KIF5C: variants seen among roughly 807,000 people sequenced by gnomAD.
The protein encoded by KIF5C is kinesin family member 5C.
A neutral mutation model predicts 125.2 loss-of-function variants in KIF5C; 18 were observed. The ratio of observed to expected loss-of-function variants is 0.14; its 90% CI spans 0.10 to 0.21. The LOEUF is 0.21. Ranked by LOEUF, KIF5C falls within the 10% of genes least tolerant of loss-of-function variation. The probability of loss-of-function intolerance (pLI) is 1.00; values close to 1 mark genes in which losing one functional copy is unlikely to be tolerated. For synonymous variants in KIF5C, 405 were observed against 434.0 expected (o/e 0.93, Z 0.83); for missense variants, 780 against 1,183.8 (o/e 0.66, Z 5.01).
intron 7 of KIF5C, among the ~76,000 whole-genome samples, chr2:148,944,841 A>C (rs981632892): frequency 6.6e-6 from 1 of 152,160 alleles, no homozygotes; most frequent in African/African-American, 2.4e-5. Flanking sequence ...TATAATAGCC[A>C]TCCAAATGGT....
At chr2:149,009,415 C>T (rs1403080601) in intron 23 of KIF5C, among the ~76,000 whole-genome samples, 1 of 152,182 alleles carries the variant, frequency 6.6e-6, no homozygotes, top group African/African-American at 2.4e-5. Context: ...TGGTGTAGCA[C>T]TTTGTGATTT....
chr2:149,001,122 G>A (rs1681840580), intron 21 of KIF5C, among the ~76,000 whole-genome samples: 1 of 152,174 alleles, frequency 6.6e-6, no homozygotes, highest in Admixed American at 6.5e-5. Context: ...ATTCTTCAAG[G>A]TGCTTGAATA....
At position 148,968,903 on chromosome 2, in the gene KIF5C, A is replaced by C. The variant is rs140112125; in HGVS notation, c.1118-4433A>C. Among the ~76,000 whole-genome samples the C allele has an allele frequency of 5.6e-3, 858 of 152,208 alleles. 5 individuals carry two copies. Among genetic ancestry groups the C allele is most frequent in the South Asian group, 9.9e-3 (48 of 4,828 alleles). On this transcript the variant is annotated intron_variant, in intron 11 of 25. Transcript: ENST00000435030. Reference sequence around the variant, plus strand: ...TACCATTAGGTCTGCCACTGGGCCTATTTAATTGGAATTAAAAGAAAGCAC... The same window carrying C: ...TACCATTAGGTCTGCCACTGGGCCTCTTTAATTGGAATTAAAAGAAAGCAC...
At chr2:148,926,011 G>C (rs1325566360) in intron 2 of KIF5C, among the ~76,000 whole-genome samples, 1 of 152,184 alleles carries the variant, frequency 6.6e-6, no homozygotes, top group Non-Finnish European at 1.5e-5. Flanking sequence ...TGGTGAGGAT[G>C]GCCTGTCAGC....
At chr2:148,917,720 C>T (rs565674966) in intron 1 of KIF5C, among the ~76,000 whole-genome samples, 2 of 152,354 alleles carry the variant, frequency 1.3e-5, no homozygotes, top group East Asian at 1.9e-4. Context: ...CAGTACTCCT[C>T]AGTGTCAGAA....
intron 11 of KIF5C, among the ~76,000 whole-genome samples, chr2:148,965,694 C>T (rs1683032739): frequency 6.6e-6 from 1 of 152,170 alleles, no homozygotes; most frequent in Admixed American, 6.5e-5. Flanking sequence ...GCATTTAATC[C>T]TCAAGTAGCT....
intron 10 of KIF5C, among the ~76,000 whole-genome samples, chr2:148,957,234 TCA>T (rs1682812420): frequency 6.6e-6 from 1 of 152,246 alleles, no homozygotes; most frequent in Non-Finnish European, 1.5e-5. Context: ...ACTGGCAGCC[TCA>T]CGCCCTAGAT....
intron 10 of KIF5C, among the ~76,000 whole-genome samples, chr2:148,956,797 T>A (rs928819017): frequency 6.6e-6 from 1 of 152,238 alleles, no homozygotes; most frequent in African/African-American, 2.4e-5. Context: ...CATTGATATC[T>A]GTATATACAT....
chr2:148,992,937 C>A (rs73009555), intron 16 of KIF5C, among the ~76,000 whole-genome samples: 1,702 of 152,338 alleles, frequency 0.011, 35 homozygotes, highest in African/African-American at 0.038. Context: ...CAAGGGTACT[C>A]ATGGAGACCC....
At chr2:149,015,106 T>G (rs1682322776) in intron 25 of KIF5C, among the ~76,000 whole-genome samples, 2 of 152,156 alleles carry the variant, frequency 1.3e-5, no homozygotes. Context: ...GAGAATTGCT[T>G]GAACCCAGGA....
At chr2:148,971,469 A>G (rs1252980407) in intron 11 of KIF5C, among the ~76,000 whole-genome samples, 2 of 152,180 alleles carry the variant, frequency 1.3e-5, no homozygotes, top group Non-Finnish European at 2.9e-5. Flanking sequence ...AAGGTTGTTG[A>G]TGGATATTTT....
At chr2:148,932,533 C>T (rs1003346613) in intron 3 of KIF5C, among the ~76,000 whole-genome samples, 4 of 152,158 alleles carry the variant, frequency 2.6e-5, no homozygotes, top group Non-Finnish European at 4.4e-5. Flanking sequence ...CCAGGGTTGG[C>T]GCTGGGGAGG....
intron 15 of KIF5C, among the ~76,000 whole-genome samples, chr2:148,990,255 C>A (rs1681489903): frequency 6.6e-6 from 1 of 152,160 alleles, no homozygotes; most frequent in African/African-American, 2.4e-5. Flanking sequence ...ATAGATCATG[C>A]GGGAATGCTG....
At chr2:148,974,799 A>T (rs1245044326) in intron 12 of KIF5C, among the ~76,000 whole-genome samples, 1 of 152,218 alleles carries the variant, frequency 6.6e-6, no homozygotes, top group Non-Finnish European at 1.5e-5. Context: ...ATTTTTAGTA[A>T]TCGCAGAGAA....
rs146348223 is a variant in KIF5C at position 148,924,537 on chromosome 2, T to C, written c.217+2310T>C. 2.9e-3 allele frequency among the ~76,000 whole-genome samples: 443 copies of C among 152,348 alleles called. 2 individuals are homozygous for C. The highest frequency in any genetic ancestry group is 5.0e-3 in the Non-Finnish European group (339 of 68,022). On this transcript the variant is annotated intron_variant, in intron 2 of 25. Transcript: ENST00000435030. This position sits in a 1 kb window ranked among gnomAD's most constrained non-coding sequence, Gnocchi z 4.0. ...GTTTGTGGAGTCCTGGCATCTCTCATGCTCCCATCTTTGTCTGGTGTTTGT... is the reference window on the plus strand; with the variant it reads ...GTTTGTGGAGTCCTGGCATCTCTCACGCTCCCATCTTTGTCTGGTGTTTGT...
At chr2:148,940,917 T>C (rs1286980959) in intron 4 of KIF5C, among the ~76,000 whole-genome samples, 2 of 152,220 alleles carry the variant, frequency 1.3e-5, no homozygotes, top group African/African-American at 4.8e-5. Flanking sequence ...ACCAGATTCC[T>C]AGTTCCTTTT....
intron 17 of KIF5C, among the ~76,000 whole-genome samples, chr2:148,996,110 G>A (rs1258439796): frequency 2.0e-5 from 3 of 152,110 alleles, no homozygotes; most frequent in African/African-American, 4.8e-5. Context: ...AGCCGATATC[G>A]TGGCACTGCA....
intron 16 of KIF5C, 129 bp from the exon 17 acceptor site, chr2:148,994,292 A>G (rs1681604575): frequency 1.5e-6 from 2 of 1,297,576 alleles, no homozygotes; most frequent in East Asian, 5.1e-5. Flanking sequence ...AATGGGCACC[A>G]TTTGGTTGTG....
intron 23 of KIF5C, 92 bp from the exon 24 acceptor site, chr2:149,010,043 C>T: frequency 4.1e-6 from 6 of 1,458,098 alleles, no homozygotes; most frequent in Non-Finnish European, 5.4e-6. Flanking sequence ...CAGGGGCCAC[C>T]TGTTCAGCAG....
Sources: gnomAD v4.1 joint callset for allele counts (sites outside exome capture counted in the v4.1 genomes callset) on GRCh38, gnomAD v4.1.1 for gene constraint, Gnocchi (gnomAD v3.1) non-coding constraint, MANE v1.5 for transcripts, NCBI Gene and HGNC (gene_info 2026-07-23, HGNC 2026-07-21) for gene names.